CNTN1: variants seen among roughly 807,000 people sequenced by gnomAD.
CNTN1 encodes the protein contactin-1.
A neutral mutation model predicts 126.4 loss-of-function variants in CNTN1; 38 were observed. That is an observed-to-expected ratio of 0.30 (90% CI 0.23 to 0.39). CNTN1 has a LOEUF of 0.39. Ranked by LOEUF, CNTN1 falls within the 10% of genes least tolerant of loss-of-function variation. CNTN1 has a pLI of 1.00. For missense variants in CNTN1, 1,009 were observed against 1,248.4 expected (o/e 0.81, Z 2.89); for synonymous variants, 413 against 422.6 (o/e 0.98, Z 0.28).
rs540495558 is a variant in CNTN1 at position 40,759,735 on chromosome 12, C to T, written c.-77+67143C>T. Among the ~76,000 whole-genome samples, 81 of 150,306 alleles carry T rather than the reference C, an allele frequency of 5.4e-4. 2 individuals are homozygous for T. The highest frequency in any genetic ancestry group is 1.9e-3 in the African/African-American group (78 of 40,848). On this transcript the variant is annotated intron_variant, in intron 1 of 23. Coordinates refer to ENST00000551295, the MANE Select transcript of CNTN1 (RefSeq NM_001843.4). The stretch of plus-strand genomic sequence containing the variant: ...CTGCCCACCTCGGCCTCCCAAAGTG[C>T]TGGGATTACAGGCGTGAGCCACCTC...
chr12:40,747,502 C>T (rs536747766), intron 1 of CNTN1, among the ~76,000 whole-genome samples: 1 of 152,182 alleles, frequency 6.6e-6, no homozygotes, highest in African/African-American at 2.4e-5. Context: ...GATGAGGTGG[C>T]TGGCCTGGTG....
At chr12:40,820,797 GAC>G (rs1941419287) in intron 1 of CNTN1, among the ~76,000 whole-genome samples, 1 of 152,146 alleles carries the variant, frequency 6.6e-6, no homozygotes, top group Admixed American at 6.6e-5. Context: ...CACCATTCTA[GAC>G]ATCTCTAGAT....
At chr12:40,869,726 G>T (rs1943422229) in intron 1 of CNTN1, among the ~76,000 whole-genome samples, 1 of 151,982 alleles carries the variant, frequency 6.6e-6, no homozygotes, top group South Asian at 2.1e-4. Context: ...ATATCATGTT[G>T]CTTTCATGGT....
At chr12:41,047,604 T>G (rs1189655430) in intron 23 of CNTN1, among the ~76,000 whole-genome samples, 1 of 151,970 alleles carries the variant, frequency 6.6e-6, no homozygotes, top group Non-Finnish European at 1.5e-5. Flanking sequence ...TTGTCCAAGT[T>G]TTCTACTAGC....
At chr12:41,053,387 A>G (rs1949728338) in intron 23 of CNTN1, among the ~76,000 whole-genome samples, 1 of 135,124 alleles carries the variant, frequency 7.4e-6, no homozygotes. Flanking sequence ...TAGTTCACAG[A>G]CAAAATTTAT....
intron 1 of CNTN1, among the ~76,000 whole-genome samples, chr12:40,747,596 T>A (rs1596537): frequency 2.0e-5 from 3 of 151,934 alleles, no homozygotes; most frequent in Non-Finnish European, 2.9e-5. Flanking sequence ...TACCTAATAC[T>A]ATTTGCACTT....
At chr12:40,783,720 G>A (rs12582249) in intron 1 of CNTN1, among the ~76,000 whole-genome samples, 29,567 of 151,878 alleles carry the variant, frequency 0.19, 3,237 homozygotes, top group East Asian at 0.43. Flanking sequence ...ACGTAAATCA[G>A]GTAATAAAAA....
intron 20 of CNTN1, among the ~76,000 whole-genome samples, chr12:41,021,253 T>C (rs1948901489): frequency 1.3e-5 from 2 of 152,130 alleles, no homozygotes; most frequent in Non-Finnish European, 2.9e-5. Context: ...ACTCAAGTTG[T>C]CTGATTCAAA....
intron 1 of CNTN1, among the ~76,000 whole-genome samples, chr12:40,755,364 G>A (rs1239342507): frequency 6.6e-6 from 1 of 151,592 alleles, no homozygotes; most frequent in African/African-American, 2.4e-5. Context: ...AGAAGTAATA[G>A]CAAGTTTGTG....
chr12:40,992,448 G>A (rs1409549693), intron 16 of CNTN1, among the ~76,000 whole-genome samples: 1 of 151,918 alleles, frequency 6.6e-6, no homozygotes, highest in African/African-American at 2.4e-5. Flanking sequence ...TTATAATAAT[G>A]CACAGATCTA....
chr12:41,022,924 C>G (rs1948953124), intron 20 of CNTN1, among the ~76,000 whole-genome samples: 1 of 151,996 alleles, frequency 6.6e-6, no homozygotes, highest in Non-Finnish European at 1.5e-5. Flanking sequence ...ACCTTTTACA[C>G]AGGGTCTTGG....
chr12:41,033,494 G>A (rs1009963013), intron 23 of CNTN1, among the ~76,000 whole-genome samples: 3 of 151,844 alleles, frequency 2.0e-5, no homozygotes, highest in Non-Finnish European at 4.4e-5. Context: ...CATATTTTAA[G>A]TCTTTACTTT....
chr12:41,065,331 A>G (rs919953040), intron 23 of CNTN1, among the ~76,000 whole-genome samples: 8 of 152,340 alleles, frequency 5.3e-5, no homozygotes, highest in Admixed American at 4.6e-4. Context: ...CTGGGATTAC[A>G]GGCGTGAGCC....
At chr12:40,871,375 C>T (rs1418509323) in intron 1 of CNTN1, among the ~76,000 whole-genome samples, 2 of 152,012 alleles carry the variant, frequency 1.3e-5, no homozygotes, top group African/African-American at 2.4e-5. Context: ...AGAAGTATGG[C>T]TTACCCTTTA....
intron 1 of CNTN1, among the ~76,000 whole-genome samples, chr12:40,754,233 A>G (rs1293087498): frequency 1.3e-5 from 2 of 152,106 alleles, no homozygotes; most frequent in Admixed American, 6.6e-5. Context: ...AAGGCTAAAT[A>G]CCTTTCATAT....
intron 1 of CNTN1, among the ~76,000 whole-genome samples, chr12:40,736,106 C>A (rs149549081): frequency 6.6e-6 from 1 of 152,140 alleles, no homozygotes; most frequent in East Asian, 1.9e-4. Context: ...AGGCAGCACT[C>A]TGTGAGCCAG....
intron 1 of CNTN1, among the ~76,000 whole-genome samples, chr12:40,787,084 C>T (rs1940050910): frequency 6.6e-6 from 1 of 152,040 alleles, no homozygotes; most frequent in African/African-American, 2.4e-5. Context: ...AAAAAATCTG[C>T]CTCTATATCA....
intron 16 of CNTN1, among the ~76,000 whole-genome samples, chr12:40,982,379 C>A (rs1318179681): frequency 6.6e-6 from 1 of 152,042 alleles, no homozygotes; most frequent in Non-Finnish European, 1.5e-5. Context: ...AATAATGAAA[C>A]TATTAGAAAT....
chr12:40,924,778 T>G lies in CNTN1; in HGVS notation c.496+126T>G. Reference sequence around the variant, plus strand: ...TTATTAATTAAATGAGACTGAATATTTGCATACCTTGTAATGTGTCACTAA... The same window carrying G: ...TTATTAATTAAATGAGACTGAATATGTGCATACCTTGTAATGTGTCACTAA... On this transcript the variant is annotated intron_variant, in intron 6 of 23. Transcript: ENST00000551295. 4.6e-6 allele frequency: 3 copies of G among 656,582 alleles called. No individual in the cohort carries two copies. The South Asian group carries it at 4.7e-5, about 10-fold the overall frequency. 40.7% of individuals were successfully genotyped at this position (656,582 alleles called of 1,614,324 possible).
Sources: allele counts gnomAD v4.1 joint callset (sites outside exome capture counted in the v4.1 genomes callset), GRCh38; gene constraint gnomAD v4.1.1; transcripts MANE v1.5; gene names NCBI Gene and HGNC (gene_info 2026-07-23, HGNC 2026-07-21).